Variants in RCSD1 observed in about 807,000 individuals in gnomAD.
RCSD1 encodes the protein RCSD domain containing 1.
Under a neutral mutation model 42.5 loss-of-function variants are expected in RCSD1, and 26 were observed. That is an observed-to-expected ratio of 0.61 (90% CI 0.45 to 0.85). The LOEUF (loss-of-function observed/expected upper bound fraction) is 0.85. RCSD1 is among the 40% of genes least tolerant of loss of function. The pLI is 0.00. For missense variants in RCSD1, 571 were observed against 528.3 expected (o/e 1.08, Z -0.79); for synonymous variants, 220 against 212.2 (o/e 1.04, Z -0.32).
chr1:167,685,552 T>C, intron 3 of RCSD1, 42 bp downstream of exon 3: 1 of 1,547,010 alleles, frequency 6.5e-7, no homozygotes, highest in Non-Finnish European at 8.9e-7. Flanking sequence ...TGTGATGGGT[T>C]TTCTTTCCTC....
intron 1 of RCSD1, among the ~76,000 whole-genome samples, chr1:167,673,423 A>G (rs2102223570): frequency 6.6e-6 from 1 of 152,334 alleles, no homozygotes; most frequent in Non-Finnish European, 1.5e-5. Flanking sequence ...CCTCAGTATA[A>G]CAGCTTTCAC....
intron 1 of RCSD1, among the ~76,000 whole-genome samples, chr1:167,652,405 G>T (rs1658333905): frequency 6.6e-6 from 1 of 151,946 alleles, no homozygotes; most frequent in African/African-American, 2.4e-5. Flanking sequence ...AAAGGAACTG[G>T]GCCCTTTAAA....
rs1280637807 is a variant in RCSD1 at position 167,632,712 on chromosome 1, G to A, written c.6+2283G>A. The stretch of plus-strand genomic sequence containing the variant: ...CACATCCAGTAGGTCACTAAGCCTA[G>A]TCCATCAATTTGCTGGTTGGACAGT... On this transcript the variant is annotated intron_variant, in intron 1 of 6. Coordinates refer to ENST00000367854, the MANE Select transcript of RCSD1 (RefSeq NM_052862.4). Among the ~76,000 whole-genome samples the A allele has an allele frequency of 4.0e-4, 4 of 9,960 alleles. No individual in the cohort carries two copies. The East Asian group carries it at 0.027, about 66-fold the overall frequency. The allele number at this position is 9,960 out of a possible 152,430, so 6.5% of individuals were successfully genotyped here.
intron 4 of RCSD1, among the ~76,000 whole-genome samples, chr1:167,690,887 C>A (rs1288278895): frequency 1.3e-5 from 2 of 152,158 alleles, no homozygotes; most frequent in African/African-American, 2.4e-5. Flanking sequence ...CCACCAGTAA[C>A]CCTGTGTGCC....
chr1:167,685,885 G>A (rs1295731450), intron 3 of RCSD1, among the ~76,000 whole-genome samples: 1 of 152,160 alleles, frequency 6.6e-6, no homozygotes, highest in Non-Finnish European at 1.5e-5. Flanking sequence ...TGTGGAGAAG[G>A]TACCTGGAAA....
rs116034657 is a variant in RCSD1, at chr1:167,648,688, C to T, written c.6+18259C>T. On this transcript the variant is annotated intron_variant, in intron 1 of 6. Transcript: ENST00000367854. ...CTGCAGATAGGGGGAAGTTACATAC[C>T]AGTGATGGGGTGCGGGCAACAGTGA... Among the ~76,000 whole-genome samples, 1,430 of 147,772 alleles carry T rather than the reference C, an allele frequency of 9.7e-3. 6 individuals are homozygous for T. Among genetic ancestry groups the T allele is most frequent in the Middle Eastern group, 0.02 (6 of 294 alleles).
In RCSD1 at chr1:167,643,912, G is replaced by A. The variant is rs138128906; in HGVS notation, c.6+13483G>A. Among the ~76,000 whole-genome samples, 692 of 152,284 alleles carry A rather than the reference G, an allele frequency of 4.5e-3. 7 individuals carry two copies. Among genetic ancestry groups the A allele is most frequent in the African/African-American group, 0.016 (659 of 41,558 alleles). ...TTTGGTGCAGCTCTGACTGGGACACGGGATGGACAAGAGGACATCTGAAGT... is the reference window on the plus strand; with the variant it reads ...TTTGGTGCAGCTCTGACTGGGACACAGGATGGACAAGAGGACATCTGAAGT... On this transcript the variant is annotated intron_variant, in intron 1 of 6. Coordinates refer to ENST00000367854, the MANE Select transcript of RCSD1 (RefSeq NM_052862.4).
intron 1 of RCSD1, among the ~76,000 whole-genome samples, chr1:167,677,701 C>G (rs1658985001): frequency 6.6e-6 from 1 of 152,196 alleles, no homozygotes; most frequent in Non-Finnish European, 1.5e-5. Context: ...ATTTTTATAT[C>G]AGAGGAAGCA....
chr1:167,644,575 T>C lies in RCSD1; in HGVS notation c.6+14146T>C, dbSNP rs144182472. 3.0e-3 allele frequency among the ~76,000 whole-genome samples: 457 copies of C among 152,140 alleles called. 3 individuals carry two copies. Among genetic ancestry groups the C allele is most frequent in the African/African-American group, 0.01 (431 of 41,480 alleles). On this transcript the variant is annotated intron_variant, in intron 1 of 6. Coordinates refer to ENST00000367854, the MANE Select transcript of RCSD1 (RefSeq NM_052862.4). ...GGAGGGAAGGAGAGCAGATGGCAAG[T>C]GTATTTTTTGAGTTCACCCAGGTAG... is the stretch of plus-strand genomic sequence containing the variant.
chr1:167,679,312 C>A (rs948643318), intron 1 of RCSD1, among the ~76,000 whole-genome samples: 1 of 152,212 alleles, frequency 6.6e-6, no homozygotes, highest in African/African-American at 2.4e-5. Context: ...AAGGACAGTG[C>A]CTCCCACATA....
intron 1 of RCSD1, among the ~76,000 whole-genome samples, chr1:167,653,105 A>G (rs1354230473): frequency 1.3e-5 from 2 of 152,196 alleles, no homozygotes; most frequent in African/African-American, 2.4e-5. Flanking sequence ...GCCTTTTATC[A>G]TTATTACATA....
intron 1 of RCSD1, among the ~76,000 whole-genome samples, chr1:167,670,723 T>C (rs1051637748): frequency 3.3e-5 from 5 of 152,098 alleles, no homozygotes; most frequent in Middle Eastern, 3.4e-3. Flanking sequence ...GTCCTGCTCC[T>C]CCCCTCGGCT....
chr1:167,695,255 G>T (rs1189883723), intron 5 of RCSD1, among the ~76,000 whole-genome samples: 2 of 152,256 alleles, frequency 1.3e-5, no homozygotes, highest in African/African-American at 2.4e-5. Flanking sequence ...CTTCTCACAG[G>T]GTGAGGCAGG....
In RCSD1 at chr1:167,704,982, G is replaced by T; in HGVS notation, c.*286G>T. The T allele has an allele frequency of 2.7e-6, 1 of 371,142 alleles. No individual in the cohort carries two copies. The highest frequency in any genetic ancestry group is 5.1e-6 in the Non-Finnish European group (1 of 195,106). 23.0% of individuals were successfully genotyped at this position (371,142 alleles called of 1,614,324 possible). On this transcript the variant is annotated 3_prime_UTR_variant, in exon 7 of 7. Coordinates refer to ENST00000367854, the MANE Select transcript of RCSD1 (RefSeq NM_052862.4). The stretch of plus-strand genomic sequence containing the variant: ...AACTTACTTAAAACAATGTACTGTG[G>T]TGATGAGTCCCAGGGGCACTGGTCA...
In RCSD1 at chr1:167,697,509, G is replaced by C; in HGVS notation, c.885G>C (p.Arg295Ser). Reference sequence around the variant, plus strand: ...CCTCTGGCCCAGAGGCAGAAAATAGGTGTGGGAGCCCCAGGGAGGAAAAGC... The same window carrying C: ...CCTCTGGCCCAGAGGCAGAAAATAGCTGTGGGAGCCCCAGGGAGGAAAAGC... The part of the protein sequence containing the change: ...PQTSGPEAEN[R>S]CGSPREEKPA... The change falls in exon 6 of 7, where the codon AGG becomes AGC. Residue 295 changes from arginine to serine, a missense_variant. Arg to Ser is a moderately radical substitution (Grantham distance 110). Transcript: ENST00000367854. The C allele has an allele frequency of 1.2e-6, 2 of 1,607,242 alleles. No homozygotes were observed. Among genetic ancestry groups the C allele is most frequent in the Non-Finnish European group, 1.7e-6 (2 of 1,176,946 alleles).
chr1:167,675,292 A>G (rs1265121933), intron 1 of RCSD1, among the ~76,000 whole-genome samples: 1 of 151,852 alleles, frequency 6.6e-6, no homozygotes, highest in African/African-American at 2.4e-5. Flanking sequence ...ACAGTTCCAC[A>G]TGGCTGGGTG....
chr1:167,638,600 C>T (rs1335529619), intron 1 of RCSD1, among the ~76,000 whole-genome samples: 1 of 152,230 alleles, frequency 6.6e-6, no homozygotes, highest in Non-Finnish European at 1.5e-5. Flanking sequence ...CTTCCTCCAG[C>T]TCAGGCCAGG....
intron 1 of RCSD1, among the ~76,000 whole-genome samples, chr1:167,675,392 T>C (rs1223078545): frequency 1.3e-5 from 2 of 152,098 alleles, no homozygotes; most frequent in Non-Finnish European, 2.9e-5. Flanking sequence ...GGAACTCCCC[T>C]TTATAAAACC....
Position 167,694,891 on chromosome 1 carries a change from G to T in RCSD1, c.474+589G>T, listed in dbSNP as rs143970685. On this transcript the variant is annotated intron_variant, in intron 5 of 6. Coordinates refer to ENST00000367854, the MANE Select transcript of RCSD1 (RefSeq NM_052862.4). ...TGTGTGAGCTTTCATCACATCCCTC[G>T]CCCTGCTGGGAGGAGGTAAGGATCA... 2.6e-5 allele frequency among the ~76,000 whole-genome samples: 4 copies of T among 152,238 alleles called. No individual in the cohort carries two copies. The South Asian group carries it at 8.3e-4, about 32-fold the overall frequency.
Sources: allele counts gnomAD v4.1 joint callset (sites outside exome capture counted in the v4.1 genomes callset), GRCh38; gene constraint gnomAD v4.1.1; transcripts MANE v1.5; gene names NCBI Gene and HGNC (gene_info 2026-07-23, HGNC 2026-07-21).